HIVEP3: variants seen among roughly 807,000 people sequenced by gnomAD.
The protein encoded by HIVEP3 is HIVEP zinc finger 3.
HIVEP3 carries 49 observed loss-of-function variants against 152.8 expected under a neutral mutation model. The ratio of observed to expected loss-of-function variants is 0.32; its 90% CI spans 0.26 to 0.41. The LOEUF is 0.41. Ranked by LOEUF, HIVEP3 falls within the 10% of genes least tolerant of loss-of-function variation. The probability of loss-of-function intolerance (pLI) is 1.00; values close to 1 mark genes in which losing one functional copy is unlikely to be tolerated. For synonymous variants in HIVEP3, 1,269 were observed against 1,289.0 expected (o/e 0.98, Z 0.33); for missense variants, 2,790 against 3,103.3 (o/e 0.90, Z 2.40).
intron 3 of HIVEP3, among the ~76,000 whole-genome samples, chr1:41,613,433 G>A (rs868184584): frequency 6.6e-6 from 1 of 152,224 alleles, no homozygotes; most frequent in Non-Finnish European, 1.5e-5. Flanking sequence ...AGCAGGGGCT[G>A]TATTTTAAAC....
chr1:41,665,109 C>G (rs759166712), intron 2 of HIVEP3, among the ~76,000 whole-genome samples: 2 of 152,200 alleles, frequency 1.3e-5, no homozygotes, highest in African/African-American at 4.8e-5. Flanking sequence ...CAGCCCCCAC[C>G]TCAGTTCTGG....
chr1:41,856,785 TG>T (rs1324846567), intron 1 of HIVEP3, among the ~76,000 whole-genome samples: 1 of 152,024 alleles, frequency 6.6e-6, no homozygotes, highest in East Asian at 1.9e-4. Context: ...CGCTGAAGCT[TG>T]GGGGAGGCAT....
chr1:41,798,301 A>G (rs557682438), intron 1 of HIVEP3, among the ~76,000 whole-genome samples: 35 of 152,198 alleles, frequency 2.3e-4, no homozygotes, highest in South Asian at 8.3e-4. Context: ...AAAAAAAAAA[A>G]AGAGAGAAAC....
intron 2 of HIVEP3, among the ~76,000 whole-genome samples, chr1:41,644,062 T>C (rs563096357): frequency 2.5e-4 from 38 of 152,084 alleles, no homozygotes; most frequent in African/African-American, 8.4e-4. Context: ...AATTTTTTTA[T>C]TTTTGTGGAG....
intron 1 of HIVEP3, among the ~76,000 whole-genome samples, chr1:41,853,658 CAGA>C (rs1435761451): frequency 1.3e-5 from 2 of 152,124 alleles, no homozygotes; most frequent in East Asian, 1.9e-4. Flanking sequence ...GCTTAAAAAA[CAGA>C]AGGATTTCAA....
intron 1 of HIVEP3, among the ~76,000 whole-genome samples, chr1:41,816,921 A>C (rs796894928): frequency 3.3e-5 from 5 of 152,286 alleles, no homozygotes; most frequent in African/African-American, 9.6e-5. Context: ...GTCAGCTCCC[A>C]TAAGATGTCT....
At chr1:41,572,879 C>T (rs917042144) in intron 5 of HIVEP3, among the ~76,000 whole-genome samples, 1 of 152,200 alleles carries the variant, frequency 6.6e-6, no homozygotes, top group Non-Finnish European at 1.5e-5. Flanking sequence ...TATGTTAAAC[C>T]AATTTGAATA....
intron 1 of HIVEP3, among the ~76,000 whole-genome samples, chr1:41,707,837 CTTACCTGCCCTAA>C (rs1558197093): frequency 6.6e-6 from 1 of 152,184 alleles, no homozygotes; most frequent in Non-Finnish European, 1.5e-5. Context: ...TGCTTAGCAC[CTTACCTGCCCTAA>C]TGAATACATG....
chr1:41,980,269 A>G (rs993966215), intron 1 of HIVEP3, among the ~76,000 whole-genome samples: 3 of 152,258 alleles, frequency 2.0e-5, no homozygotes, highest in African/African-American at 7.2e-5. Flanking sequence ...TGTTTATGGT[A>G]GTATTATTCA....
At chr1:41,601,218 T>A (rs1208295074) in intron 3 of HIVEP3, among the ~76,000 whole-genome samples, 1 of 152,178 alleles carries the variant, frequency 6.6e-6, no homozygotes, top group Middle Eastern at 3.2e-3. Flanking sequence ...GTCAGAGGAT[T>A]GATTTGGCTA....
At chr1:41,646,350 A>C (rs1393262200) in intron 2 of HIVEP3, among the ~76,000 whole-genome samples, 1 of 152,224 alleles carries the variant, frequency 6.6e-6, no homozygotes, top group Admixed American at 6.5e-5. Context: ...ACCCTTCAGC[A>C]TGCGGACACA....
intron 2 of HIVEP3, among the ~76,000 whole-genome samples, chr1:41,684,987 G>A (rs1646093837): frequency 6.6e-6 from 1 of 152,066 alleles, no homozygotes; most frequent in Non-Finnish European, 1.5e-5. Flanking sequence ...GCCTGTTTTT[G>A]CCCTATCACC....
At chr1:41,729,213 A>G (rs1646802414) in intron 1 of HIVEP3, among the ~76,000 whole-genome samples, 1 of 152,220 alleles carries the variant, frequency 6.6e-6, no homozygotes, top group South Asian at 2.1e-4. Context: ...CCCAGTGCAC[A>G]GGGGTGATCA....
rs1195847088 is a variant in HIVEP3, at chr1:41,529,930, C to T, written c.5208-5020G>A. Among the ~76,000 whole-genome samples the T allele has an allele frequency of 6.5e-5, 7 of 107,048 alleles. No homozygotes were observed. The East Asian group carries it at 1.5e-3, about 24-fold the overall frequency. The allele number at this position is 107,048 out of a possible 152,430, so 70.2% of individuals were successfully genotyped here. ...CCACACACCAACACCCCCCACCACACGGACATGCACCCCCCACCCTAACAC... is the reference window on the plus strand; with the variant it reads ...CCACACACCAACACCCCCCACCACATGGACATGCACCCCCCACCCTAACAC... On this transcript the variant is annotated intron_variant, in intron 5 of 8. Transcript: ENST00000372583.
At chr1:41,718,701 CCT>C (rs1222892151) in intron 1 of HIVEP3, among the ~76,000 whole-genome samples, 1 of 152,142 alleles carries the variant, frequency 6.6e-6, no homozygotes, top group African/African-American at 2.4e-5. Flanking sequence ...CCATTGCCCT[CCT>C]CTCTCCATCT....
At chr1:41,923,715 T>C (rs1398345767), upstream of HIVEP3, among the ~76,000 whole-genome samples, 1 of 152,190 alleles carries the variant, frequency 6.6e-6, no homozygotes, top group Non-Finnish European at 1.5e-5. Flanking sequence ...ATTTGGTCAT[T>C]CCATAATGTA....
intron 5 of HIVEP3, among the ~76,000 whole-genome samples, chr1:41,574,210 T>A (rs1476265877): frequency 1.3e-5 from 2 of 151,810 alleles, no homozygotes; most frequent in Non-Finnish European, 2.9e-5. Flanking sequence ...GAGCAGGCGC[T>A]TCATCAATCC....
At position 41,581,036 on chromosome 1, in the gene HIVEP3, C is replaced by T; in HGVS notation, c.3762G>A (p.Val1254=). 6.4e-7 allele frequency: 1 copy of T among 1,559,326 alleles called. No homozygotes were observed. The highest frequency in any genetic ancestry group is 8.7e-7 in the Non-Finnish European group (1 of 1,152,510). The change falls in exon 4 of 9, where the codon GTG becomes GTA. Residue 1254 remains valine, a synonymous_variant. Transcript: ENST00000372583. This position sits in a 1 kb window ranked among gnomAD's most constrained non-coding sequence, Gnocchi z 4.5. ...SQFALQLPGD[V]ESHLPQIKTS... ...TTTTGATCTGGGGCAGATGGCTTTC[C>T]ACATCACCAGGGAGCTGAAGTGCAA... is the stretch of plus-strand genomic sequence containing the variant.
chr1:41,917,060 A>G (rs1644881891), intron 1 of HIVEP3, among the ~76,000 whole-genome samples: 1 of 152,128 alleles, frequency 6.6e-6, no homozygotes, highest in Non-Finnish European at 1.5e-5. Context: ...TTCACATTTA[A>G]GTTGCTAGAA....
Sources: gnomAD v4.1 joint callset for allele counts (sites outside exome capture counted in the v4.1 genomes callset) on GRCh38, gnomAD v4.1.1 for gene constraint, Gnocchi (gnomAD v3.1) non-coding constraint, MANE v1.5 for transcripts, NCBI Gene and HGNC (gene_info 2026-07-23, HGNC 2026-07-21) for gene names.